BBS1: variants seen among roughly 807,000 people sequenced by gnomAD.
BBS1 encodes BBSome complex member BBS1.
BBS1 carries 60 observed loss-of-function variants against 73.9 expected under a neutral mutation model. That is an observed-to-expected ratio of 0.81 (90% CI 0.66 to 1.01). BBS1 has a LOEUF of 1.01. BBS1 is among the 50% of genes least tolerant of loss of function. BBS1 has a pLI of 0.00. For missense variants in BBS1, 718 were observed against 770.3 expected (o/e 0.93, Z 0.80); for synonymous variants, 283 against 317.4 (o/e 0.89, Z 1.15).
chr11:66,519,886 A>C, intron 8 of BBS1, 138 bp downstream of exon 8: 1 of 1,141,984 alleles, frequency 8.8e-7, no homozygotes, highest in Non-Finnish European at 1.2e-6. Flanking sequence ...AAAGATATAT[A>C]TCCAAAAATC....
intron 7 of BBS1, among the ~76,000 whole-genome samples, chr11:66,516,966 G>A (rs1306702587): frequency 6.6e-6 from 1 of 152,154 alleles, no homozygotes; most frequent in Non-Finnish European, 1.5e-5. Flanking sequence ...TTGGGAGGCT[G>A]AGACGGGCAG....
intron 13 of BBS1, 47 bp downstream of exon 13, chr11:66,526,854 C>T: frequency 6.2e-7 from 1 of 1,614,094 alleles, no homozygotes. Flanking sequence ...TCCACTGCTC[C>T]TACACAGCAA....
intron 9 of BBS1, chr11:66,522,911 G>C: frequency 2.9e-6 from 1 of 348,592 alleles, no homozygotes; most frequent in Non-Finnish European, 5.6e-6. Context: ...AAGTTAAAAA[G>C]GAACCAGTTG....
At chr11:66,527,691 A>G (rs35953005) in intron 13 of BBS1, 1 of 148,118 alleles carries the variant, frequency 6.8e-6, no homozygotes, top group African/African-American at 2.5e-5. Flanking sequence ...AAAAAAAAAA[A>G]GAATAAATAA....
In BBS1 at chr11:66,510,691, C is replaced by T. The variant is rs150122944; in HGVS notation, c.32C>T (p.Ala11Val). The change falls in exon 1 of 17, where the codon GCC becomes GTC. Residue 11 changes from alanine to valine, a missense_variant. Transcript: ENST00000318312. ...GCTGCGTCCTCATCGGATTCCGACG[C>T]CTGCGGAGCTGAGAGGTGAAGGCAG... Reference protein sequence around the residue: MAAASSSDSDACGAESNEANS... With the variant: MAAASSSDSDVCGAESNEANS... 6 of 1,614,168 alleles carry T rather than the reference C, an allele frequency of 3.7e-6. No homozygotes were observed. Among genetic ancestry groups the T allele is most frequent in the Non-Finnish European group, 5.1e-6 (6 of 1,180,024 alleles).
chr11:66,529,806 C>T lies in BBS1; in HGVS notation c.1340-13C>T, dbSNP rs752633329. 2.5e-6 allele frequency: 4 copies of T among 1,610,532 alleles called. No individual in the cohort carries two copies. The East Asian group carries it at 6.7e-5, about 27-fold the overall frequency. On this transcript the variant is annotated splice_polypyrimidine_tract_variant and intron_variant, in intron 13 of 16. Transcript: ENST00000318312. ...CCACCTCCACCGTCAGCCTCTGGGA[C>T]CCTTCTCCACAGCCATGCACCGGGC...
chr11:66,522,366 G>C (rs1856280703), intron 9 of BBS1, among the ~76,000 whole-genome samples: 1 of 148,850 alleles, frequency 6.7e-6, no homozygotes, highest in South Asian at 2.1e-4. Context: ...GTGAGACAGA[G>C]TCACAGAGTC....
chr11:66,510,748 A>G (rs1855922443), intron 1 of BBS1, 42 bp downstream of exon 1: 1 of 1,612,682 alleles, frequency 6.2e-7, no homozygotes, highest in African/African-American at 1.3e-5. Flanking sequence ...CCACCCGTGT[A>G]AAGAGGGTCC....
At chr11:66,511,122 A>C in intron 2 of BBS1, 33 bp downstream of exon 2, 1 of 1,613,736 alleles carries the variant, frequency 6.2e-7, no homozygotes, top group Non-Finnish European at 8.5e-7. Context: ...CCTGGGTTCT[A>C]GTGGGATGGG....
rs1555050401 is a variant in BBS1, at chr11:66,531,678, T to A, written c.1631T>A (p.Leu544His). The change falls in exon 16 of 17, where the codon CTC becomes CAC. Residue 544 changes from leucine (L) to histidine (H), a missense_variant. Physicochemically the swap from Leu to His is moderately conservative, Grantham distance 99 (BLOSUM62 -3). Coordinates refer to ENST00000318312, the MANE Select transcript of BBS1 (RefSeq NM_024649.5). ...FFKVPLLVPG[L>H]NYPLETFVES... ...TAGGTACCCTTGCTGGTGCCAGGGC[T>A]CAACTACCCCCTGGAGACCTTTGTG... 1.9e-6 allele frequency: 3 copies of A among 1,614,104 alleles called. No individual in the cohort carries two copies. Among genetic ancestry groups the A allele is most frequent in the Non-Finnish European group, 2.5e-6 (3 of 1,180,004 alleles).
chr11:66,517,567 A>G (rs1856078116), intron 7 of BBS1, among the ~76,000 whole-genome samples: 1 of 150,536 alleles, frequency 6.6e-6, no homozygotes, highest in Non-Finnish European at 1.5e-5. Flanking sequence ...TCCTGGGTTC[A>G]AGCTATTCTC....
In BBS1 at chr11:66,514,667, C is replaced by G; in HGVS notation, c.421C>G (p.Gln141Glu). Reference sequence around the variant, plus strand: ...TCCTCTGGAACAAGACCTTTGGAACCAGGCCAAAGAGGTAAATAAATAACA... The same window carrying G: ...TCCTCTGGAACAAGACCTTTGGAACGAGGCCAAAGAGGTAAATAAATAACA... ...PNPLEQDLWN[Q>E]AKEDRIDPLT... The change falls in exon 4 of 17, where the codon CAG becomes GAG. Residue 141 changes from glutamine (Q) to glutamate (E), a missense_variant. Transcript: ENST00000318312. 1.2e-6 allele frequency: 2 copies of G among 1,611,986 alleles called. No homozygotes were observed. Among genetic ancestry groups the G allele is most frequent in the Admixed American group, 1.7e-5 (1 of 59,998 alleles).
Position 66,533,395 on chromosome 11 carries a change from A to G in BBS1, c.*1358A>G, listed in dbSNP as rs1258726428. ...TCAGCTATTTTTAAAATGTGCTTAT[A>G]TGACTCTTGCTTGATATATCAATCT... On this transcript the variant is annotated 3_prime_UTR_variant, in exon 17 of 17. Transcript: ENST00000318312. 1 of 152,238 alleles carries G rather than the reference A, an allele frequency of 6.6e-6. No homozygotes were observed. Among genetic ancestry groups the G allele is most frequent in the Non-Finnish European group, 1.5e-5 (1 of 68,044 alleles). 9.4% of individuals were successfully genotyped at this position (152,238 alleles called of 1,614,324 possible).
intron 14 of BBS1, 39 bp downstream of exon 14, chr11:66,529,991 G>A: frequency 1.3e-6 from 2 of 1,578,138 alleles, no homozygotes; most frequent in Non-Finnish European, 8.6e-7. Context: ...GGCCAGAGGG[G>A]CAGAGGCCAG....
At chr11:66,521,500 CA>C in intron 9 of BBS1, 124 bp downstream of exon 9, 3 of 787,824 alleles carry the variant, frequency 3.8e-6, no homozygotes, top group Non-Finnish European at 4.3e-6. Context: ...CTGAGAACTT[CA>C]TAAAGGAGGC....
At chr11:66,519,776 G>A (rs772270055) in intron 8 of BBS1, 28 bp downstream of exon 8, 217 of 1,610,524 alleles carry the variant, frequency 1.3e-4, no homozygotes, top group East Asian at 1.2e-3. Context: ...CCCTGGGCCC[G>A]CTGGAGGCCC....
intron 3 of BBS1, among the ~76,000 whole-genome samples, chr11:66,513,833 GT>G (rs1488291480): frequency 6.6e-6 from 1 of 152,224 alleles, no homozygotes; most frequent in Non-Finnish European, 1.5e-5. Context: ...TAGGAAACAA[GT>G]TGGGAACTAG....
At chr11:66,517,405 G>C (rs1856073080) in intron 7 of BBS1, among the ~76,000 whole-genome samples, 1 of 149,812 alleles carries the variant, frequency 6.7e-6, no homozygotes, top group African/African-American at 2.5e-5. Context: ...ACTAGTGTTT[G>C]TTTAAGGGTT....
chr11:66,524,769 G>T (rs1856410771), intron 11 of BBS1, among the ~76,000 whole-genome samples: 1 of 152,110 alleles, frequency 6.6e-6, no homozygotes, highest in Non-Finnish European at 1.5e-5. Context: ...TAAATTCAAA[G>T]TATGTCACAA....
Sources: gnomAD v4.1 joint callset for allele counts (sites outside exome capture counted in the v4.1 genomes callset) on GRCh38, gnomAD v4.1.1 for gene constraint, MANE v1.5 for transcripts, NCBI Gene and HGNC (gene_info 2026-07-23, HGNC 2026-07-21) for gene names.